Variants in TENM3 observed in about 807,000 individuals in gnomAD.
TENM3 encodes the protein teneurin-3.
A neutral mutation model predicts 255.1 loss-of-function variants in TENM3; 63 were observed. The ratio of observed to expected loss-of-function variants is 0.25; its 90% confidence interval spans 0.20 to 0.30. TENM3 has a LOEUF of 0.30. TENM3 is among the 10% of genes least tolerant of loss of function. The pLI is 1.00. For missense variants in TENM3, 2,929 were observed against 3,461.1 expected (o/e 0.85, Z 3.86); for synonymous variants, 1,306 against 1,322.3 (o/e 0.99, Z 0.27).
chr4:181,550,235 T>A, the TENM3 span, among the ~76,000 whole-genome samples: 2 of 152,226 alleles, frequency 1.3e-5, no homozygotes, highest in African/African-American at 4.8e-5. Flanking sequence ...GATTATAACA[T>A]GAATTCCCTG....
In TENM3 at chr4:182,792,892, G is replaced by A. The variant is rs766581228; in HGVS notation, c.6220G>A (p.Val2074Ile). The A allele has an allele frequency of 8.7e-6, 14 of 1,613,840 alleles. No individual in the cohort carries two copies. Among genetic ancestry groups the A allele is most frequent in the Admixed American group, 5.0e-5 (3 of 59,996 alleles). The change falls in exon 26 of 28, where the codon GTA (valine) becomes ATA (isoleucine). Residue 2074 changes from valine (V) to isoleucine (I), a missense_variant. Around this residue, in one of 6 missense-constraint regions of TENM3, gnomAD observed 256 missense variants for 389.3 expected, o/e 0.66. Coordinates refer to ENST00000511685, the MANE Select transcript of TENM3 (RefSeq NM_001080477.4). The surrounding 1 kb of genome is among the most constrained non-coding windows in gnomAD (Gnocchi z 6.3). ...TATTAACCAGATCATTTCTACAGCT[G>A]TAATGACCTATACGAAGCACTTTGA... is the stretch of plus-strand genomic sequence containing the variant. ...YDINQIISTA[V>I]MTYTKHFDAH... is the part of the protein sequence containing the mutation.
chr4:181,653,026 AT>A, the TENM3 span, among the ~76,000 whole-genome samples: 1 of 152,174 alleles, frequency 6.6e-6, no homozygotes. Context: ...ACAATATGTA[AT>A]TTTGTCTCAA....
chr4:182,017,329 G>GT, the TENM3 span, among the ~76,000 whole-genome samples: 10 of 152,190 alleles, frequency 6.6e-5, no homozygotes, highest in South Asian at 6.2e-4. Flanking sequence ...TGAGAGGCTT[G>GT]TTTTTTTTCA....
At chr4:182,750,867 T>A (rs1762321710) in intron 19 of TENM3, among the ~76,000 whole-genome samples, 1 of 152,176 alleles carries the variant, frequency 6.6e-6, no homozygotes, top group Non-Finnish European at 1.5e-5. Flanking sequence ...TTTCAGGTTT[T>A]TGTTCAGAAG....
chr4:182,254,950 G>A (rs957925979), intron 1 of TENM3, among the ~76,000 whole-genome samples: 2 of 152,126 alleles, frequency 1.3e-5, no homozygotes, highest in South Asian at 2.1e-4. Flanking sequence ...TTGTGTTTAC[G>A]AACCATGTGT....
intron 3 of TENM3, among the ~76,000 whole-genome samples, chr4:182,507,772 T>C (rs1346935770): frequency 6.6e-6 from 1 of 152,232 alleles, no homozygotes; most frequent in Non-Finnish European, 1.5e-5. Flanking sequence ...ATGTCTTCTA[T>C]ATAGTTACTG....
chr4:182,394,873 A>T (rs902950496), intron 3 of TENM3, among the ~76,000 whole-genome samples: 1 of 152,230 alleles, frequency 6.6e-6, no homozygotes, highest in African/African-American at 2.4e-5. Context: ...GGAATATTGG[A>T]TAAAAAATGC....
chr4:181,989,972 A>C, the TENM3 span, among the ~76,000 whole-genome samples: 108 of 152,288 alleles, frequency 7.1e-4, 1 homozygote, highest in African/African-American at 2.5e-3. Flanking sequence ...GGTCTTATAT[A>C]GCATTATTGT....
chr4:181,897,339 T>C, the TENM3 span, among the ~76,000 whole-genome samples: 5 of 152,174 alleles, frequency 3.3e-5, no homozygotes, highest in African/African-American at 1.2e-4. Flanking sequence ...TTGACGCAGA[T>C]ATAAAGACAT....
intron 1 of TENM3, among the ~76,000 whole-genome samples, chr4:182,323,682 AT>A (rs924380314): frequency 1.4e-4 from 21 of 150,264 alleles, no homozygotes; most frequent in Admixed American, 8.6e-4. Context: ...TGAGCTTACA[AT>A]TTTTTTTTTG....
At chr4:182,141,244 AACAG>A, upstream of TENM3, 1 of 152,340 alleles carries the variant, frequency 6.6e-6, no homozygotes, top group South Asian at 2.1e-4. Flanking sequence ...AGGCTTGCAA[AACAG>A]ACAGCGATGT....
At chr4:182,658,906 AG>A (rs1317599081) in intron 6 of TENM3, among the ~76,000 whole-genome samples, 2 of 152,224 alleles carry the variant, frequency 1.3e-5, no homozygotes, top group African/African-American at 4.8e-5. Context: ...TGGGCCTCTT[AG>A]AACATAGCAG....
intron 5 of TENM3, among the ~76,000 whole-genome samples, chr4:182,635,997 T>G (rs1216871989): frequency 6.6e-6 from 1 of 152,228 alleles, no homozygotes; most frequent in Admixed American, 6.5e-5. Context: ...TTTGACATTC[T>G]TTTTTCTTTT....
the TENM3 span, among the ~76,000 whole-genome samples, chr4:182,077,244 A>T: frequency 6.6e-6 from 1 of 152,158 alleles, no homozygotes; most frequent in African/African-American, 2.4e-5. Flanking sequence ...ACCGACTTGT[A>T]TATTTTTGGG....
chr4:181,456,910 G>T, the TENM3 span, among the ~76,000 whole-genome samples: 7 of 151,784 alleles, frequency 4.6e-5, no homozygotes, highest in Admixed American at 3.3e-4. Context: ...TAGACATTTG[G>T]AATAGAAAAT....
chr4:181,550,197 C>T, the TENM3 span, among the ~76,000 whole-genome samples: 5 of 152,278 alleles, frequency 3.3e-5, no homozygotes, highest in African/African-American at 1.2e-4. Flanking sequence ...TCATGAGAAA[C>T]AGATTTTTTT....
At chr4:181,667,427 C>T in the TENM3 span, among the ~76,000 whole-genome samples, 1 of 152,028 alleles carries the variant, frequency 6.6e-6, no homozygotes, top group Non-Finnish European at 1.5e-5. Flanking sequence ...TGAATGCATC[C>T]CCCAAAAAGC....
chr4:181,695,358 A>G, the TENM3 span, among the ~76,000 whole-genome samples: 1 of 152,224 alleles, frequency 6.6e-6, no homozygotes, highest in Non-Finnish European at 1.5e-5. Flanking sequence ...GAGGGGGAGC[A>G]GTGATGTGAA....
At chr4:181,697,672 G>A in the TENM3 span, among the ~76,000 whole-genome samples, 17 of 152,136 alleles carry the variant, frequency 1.1e-4, no homozygotes, top group African/African-American at 2.6e-4. Context: ...GATTACAGGC[G>A]TAAGCCACTG....
Sources: gnomAD v4.1 joint callset for allele counts (sites outside exome capture counted in the v4.1 genomes callset) on GRCh38, gnomAD v4.1.1 for gene constraint, gnomAD v4.1.1 regional missense constraint, Gnocchi (gnomAD v3.1) non-coding constraint, MANE v1.5 for transcripts, NCBI Gene and HGNC (gene_info 2026-07-23, HGNC 2026-07-21) for gene names.